Variants in KDM6A observed in about 807,000 individuals in gnomAD.
KDM6A encodes the protein lysine demethylase 6A.
Under a neutral mutation model 117.6 loss-of-function variants are expected in KDM6A, and 11 were observed. The observed-to-expected ratio is 0.09, with a 90% CI of 0.06 to 0.15. KDM6A has a LOEUF of 0.15. Among genes scored for constraint, KDM6A ranks in the 10% least tolerant of loss-of-function variants. KDM6A has a pLI of 1.00. For synonymous variants in KDM6A, 384 were observed against 396.1 expected (o/e 0.97, Z 0.36); for missense variants, 799 against 1,077.3 (o/e 0.74, Z 3.62).
chrX:45,099,420 T>C (rs1049501852), intron 27 of KDM6A, among the ~76,000 whole-genome samples: 1 of 110,968 alleles, frequency 9.0e-6, no homozygotes, highest in African/African-American at 3.3e-5. Context: ...TGACATTTTC[T>C]TCTTGAAGAC....
intron 18 of KDM6A, among the ~76,000 whole-genome samples, chrX:45,074,616 A>G (rs2148083992): frequency 9.0e-6 from 1 of 111,719 alleles, no homozygotes; most frequent in South Asian, 3.7e-4. Context: ...TTATTTCCAT[A>G]TATGTAGTTA....
intron 4 of KDM6A, among the ~76,000 whole-genome samples, chrX:44,996,234 A>G (rs971642331): frequency 9.1e-6 from 1 of 109,630 alleles, no homozygotes; most frequent in Non-Finnish European, 1.9e-5. Flanking sequence ...CACCATGCTC[A>G]ACTAAGTTTT....
chrX:44,963,483 G>GTGTC (rs1556012411), intron 3 of KDM6A, among the ~76,000 whole-genome samples: 15 of 40,883 alleles, frequency 3.7e-4, no homozygotes, highest in African/African-American at 1.1e-3. Context: ...GTGTGTGTGT[G>GTGTC]TGTCTGTCTG....
At chrX:44,929,293 G>A (rs1214328714) in intron 2 of KDM6A, among the ~76,000 whole-genome samples, 1 of 90,508 alleles carries the variant, frequency 1.1e-5, no homozygotes, top group Admixed American at 1.2e-4. Context: ...TATTGTCATT[G>A]TTTTAAGTTC....
At chrX:44,922,027 C>CTTTTTTTTTTTTTTTT (rs1412985730) in intron 2 of KDM6A, among the ~76,000 whole-genome samples, 400 of 37,714 alleles carry the variant, frequency 0.011, 189 homozygotes, top group Non-Finnish European at 0.013. Flanking sequence ...ATTGTGTGTG[C>CTTTTTTTTTTTTTTTT]CTTTTTTTTT....
At chrX:44,897,253 A>G (rs1423972241) in intron 2 of KDM6A, among the ~76,000 whole-genome samples, 2 of 101,994 alleles carry the variant, frequency 2.0e-5, no homozygotes, top group African/African-American at 3.7e-5. Flanking sequence ...GCTCATTCAA[A>G]GAGTTTTTAT....
chrX:45,051,818 C>T lies in KDM6A; in HGVS notation c.748+16C>T, dbSNP rs773354608. 6 of 942,749 alleles carry T rather than the reference C, an allele frequency of 6.4e-6. No individual in the cohort carries two copies. The Admixed American group carries it at 6.8e-5, about 11-fold the overall frequency. 77.7% of individuals were successfully genotyped at this position (942,749 alleles called of 1,213,427 possible). A position where few individuals can be genotyped will look rare whatever the true frequency, so the allele number is the denominator to read the frequency against. On this transcript the variant is annotated intron_variant, in intron 9 of 29. Coordinates refer to ENST00000611820, the MANE Select transcript of KDM6A (RefSeq NM_001291415.2). ...CAACAGTTAGGTATGTAATAGTATACATTTAGTGTATTATAAGTGCTTCTC... is the reference window on the plus strand; with the variant it reads ...CAACAGTTAGGTATGTAATAGTATATATTTAGTGTATTATAAGTGCTTCTC...
At chrX:44,980,734 G>C (rs2039866586) in intron 4 of KDM6A, among the ~76,000 whole-genome samples, 1 of 105,368 alleles carries the variant, frequency 9.5e-6, no homozygotes, top group African/African-American at 3.5e-5. Context: ...ACATTATGCG[G>C]TCTGCAAATA....
intron 21 of KDM6A, among the ~76,000 whole-genome samples, chrX:45,081,839 C>T (rs1015264895): frequency 1.6e-4 from 18 of 109,762 alleles, no homozygotes; most frequent in African/African-American, 6.0e-4. Flanking sequence ...AGTGCAGTGG[C>T]GTGATCTCAG....
At chrX:45,078,574 T>C in intron 20 of KDM6A, 69 bp downstream of exon 20, 1 of 866,036 alleles carries the variant, frequency 1.2e-6, no homozygotes. Flanking sequence ...TTTCCAGCAC[T>C]GGCAGATACT....
At chrX:45,010,098 G>A (rs2041685411) in intron 4 of KDM6A, among the ~76,000 whole-genome samples, 1 of 111,085 alleles carries the variant, frequency 9.0e-6, no homozygotes, top group South Asian at 3.8e-4. Context: ...TTTTTAATAG[G>A]GAAGATTTAC....
chrX:45,101,741 C>T (rs1215218239), intron 27 of KDM6A, among the ~76,000 whole-genome samples: 1 of 111,665 alleles, frequency 9.0e-6, no homozygotes, highest in Admixed American at 9.6e-5. Flanking sequence ...TTTGAGTTGG[C>T]ATTCATCATA....
At chrX:44,879,172 T>C (rs1393539532) in intron 2 of KDM6A, among the ~76,000 whole-genome samples, 1 of 112,428 alleles carries the variant, frequency 8.9e-6, no homozygotes, top group African/African-American at 3.2e-5. Context: ...ATGTAACATT[T>C]AGTTTTTGTT....
chrX:45,107,764 G>C (rs779384995), intron 28 of KDM6A, among the ~76,000 whole-genome samples: 5 of 111,876 alleles, frequency 4.5e-5, no homozygotes, highest in Non-Finnish European at 9.4e-5. Flanking sequence ...AGTCATTTTT[G>C]TGGTAGATCT....
chrX:44,963,503 G>GTCTGTCTGTC lies in KDM6A; in HGVS notation c.334+2113_334+2122dup. Among the ~76,000 whole-genome samples, 3 of 101,754 alleles carry GTCTGTCTGTC rather than the reference G, an allele frequency of 2.9e-5. No individual in the cohort carries two copies. The Middle Eastern group carries it at 0.015, about 525-fold the overall frequency. The allele number at this position is 101,754 out of a possible 115,157, so 88.4% of individuals were successfully genotyped here. A position where few individuals can be genotyped will look rare whatever the true frequency, so the allele number is the denominator to read the frequency against. Reference sequence around the variant, plus strand: ...TGTGTGTGTCTGTCTGTCTGTCTCTGTCTGTCTGTCTGTCTCTGTCTCTCT... The same window carrying GTCTGTCTGTC: ...TGTGTGTGTCTGTCTGTCTGTCTCTGTCTGTCTGTCTCTGTCTGTCTGTCTCTGTCTCTCT... On this transcript the variant is annotated intron_variant, in intron 3 of 29. Coordinates refer to ENST00000611820, the MANE Select transcript of KDM6A (RefSeq NM_001291415.2).
intron 10 of KDM6A, among the ~76,000 whole-genome samples, chrX:45,055,800 C>T (rs10481831): frequency 0.17 from 19,011 of 110,771 alleles, 2,356 homozygotes; most frequent in African/African-American, 0.44. Flanking sequence ...TAGATTAAAA[C>T]GAATGTATAC....
At chrX:44,901,361 A>AAT (rs760576311) in intron 2 of KDM6A, among the ~76,000 whole-genome samples, 178 of 106,908 alleles carry the variant, frequency 1.7e-3, no homozygotes, top group East Asian at 9.2e-3. Context: ...ATCTCAAAAA[A>AAT]ATATATATAT....
chrX:44,927,778 G>A (rs1007394754), intron 2 of KDM6A, among the ~76,000 whole-genome samples: 1 of 111,527 alleles, frequency 9.0e-6, no homozygotes, highest in Admixed American at 9.6e-5. Flanking sequence ...TGACCTAGGA[G>A]TGACTTCTAG....
At chrX:44,922,711 C>G (rs1685627399) in intron 2 of KDM6A, among the ~76,000 whole-genome samples, 1 of 112,394 alleles carries the variant, frequency 8.9e-6, no homozygotes. Flanking sequence ...TCAGGTGATC[C>G]TCCCGCCTCA....
Sources: gnomAD v4.1 joint callset for allele counts (sites outside exome capture counted in the v4.1 genomes callset) on GRCh38, gnomAD v4.1.1 for gene constraint, MANE v1.5 for transcripts, NCBI Gene and HGNC (gene_info 2026-07-23, HGNC 2026-07-21) for gene names.